ADGRG4: variants seen among roughly 807,000 people sequenced by gnomAD.
ADGRG4 encodes the protein adhesion G protein-coupled receptor G4, also known as G protein-coupled receptor 112.
Under a neutral mutation model 126.2 loss-of-function variants are expected in ADGRG4, and 122 were observed. That is an observed-to-expected ratio of 0.97 (90% confidence interval 0.83 to 1.12). The LOEUF is 1.12. Ranked by LOEUF, ADGRG4 falls within the 50% of genes most tolerant of loss-of-function variation. The pLI is 0.00. For synonymous variants in ADGRG4, 943 were observed against 838.7 expected (o/e 1.12, Z -2.15); for missense variants, 2,481 against 2,251.8 (o/e 1.10, Z -2.06).
At chrX:136,318,416 G>A (rs186613550) in intron 4 of ADGRG4, among the ~76,000 whole-genome samples, 1 of 112,010 alleles carries the variant, frequency 8.9e-6, no homozygotes, top group Admixed American at 9.5e-5. Flanking sequence ...TGGGTACAGG[G>A]TTTCCTTTTT....
intron 10 of ADGRG4, among the ~76,000 whole-genome samples, chrX:136,357,995 G>A (rs1175474541): frequency 8.9e-6 from 1 of 111,921 alleles, no homozygotes; most frequent in Admixed American, 9.5e-5. Context: ...AGAAAAAGGG[G>A]TGGTCATAAT....
chrX:136,414,048 T>C, intron 24 of ADGRG4, 112 bp from the exon 25 acceptor site: 1 of 685,673 alleles, frequency 1.5e-6, no homozygotes, highest in Admixed American at 3.6e-5. Context: ...GCCTAAACTT[T>C]GTATTTTTAA....
chrX:136,399,995 C>T lies in ADGRG4; in HGVS notation c.8454C>T (p.Tyr2818=). 1 of 1,211,244 alleles carries T rather than the reference C, an allele frequency of 8.3e-7. No homozygotes were observed. Among genetic ancestry groups the T allele is most frequent in the South Asian group, 1.8e-5 (1 of 57,001 alleles). Reference sequence around the variant, plus strand: ...TCACAGCTGCAGTGGCACTTCATTACTTCCTGCTTGTTTCTTTTACTTGGA... The same window carrying T: ...TCACAGCTGCAGTGGCACTTCATTATTTCCTGCTTGTTTCTTTTACTTGGA... The part of the protein sequence containing the change: ...VCITAAVALH[Y]FLLVSFTWMG... Residue 2818 remains tyrosine, a synonymous_variant, in exon 21 of 26, where the codon TAC becomes TAT. Coordinates refer to ENST00000394143, the MANE Select transcript of ADGRG4 (RefSeq NM_153834.4).
At chrX:136,402,966 T>A (rs1399419478) in intron 21 of ADGRG4, among the ~76,000 whole-genome samples, 1 of 112,310 alleles carries the variant, frequency 8.9e-6, no homozygotes, top group Non-Finnish European at 1.9e-5. Flanking sequence ...TAGATACTTC[T>A]TTTGCCAAGT....
At chrX:136,410,459 G>A (rs750502019) in intron 23 of ADGRG4, among the ~76,000 whole-genome samples, 1 of 111,790 alleles carries the variant, frequency 8.9e-6, no homozygotes, top group South Asian at 3.7e-4. Flanking sequence ...TGCTGTAGCT[G>A]AAATTTGCTT....
At chrX:136,398,642 C>T (rs138224227) in intron 20 of ADGRG4, among the ~76,000 whole-genome samples, 2,544 of 112,058 alleles carry the variant, frequency 0.023, 68 homozygotes, top group African/African-American at 0.078. Context: ...TGTCAACAAG[C>T]ATGTGGAACA....
At chrX:136,377,927 A>C (rs2075237848) in intron 15 of ADGRG4, among the ~76,000 whole-genome samples, 1 of 110,224 alleles carries the variant, frequency 9.1e-6, no homozygotes, top group South Asian at 3.9e-4. Context: ...GAATACTTCA[A>C]CATTGTTGCT....
At chrX:136,331,336 A>G (rs2074908598) in intron 5 of ADGRG4, among the ~76,000 whole-genome samples, 1 of 112,458 alleles carries the variant, frequency 8.9e-6, no homozygotes, top group East Asian at 2.8e-4. Context: ...TGAAATACTT[A>G]TTCCCTCTCT....
At chrX:136,301,544 T>G (rs762935919) in intron 1 of ADGRG4, among the ~76,000 whole-genome samples, 99 of 112,225 alleles carry the variant, frequency 8.8e-4, no homozygotes, top group African/African-American at 2.9e-3. Context: ...AGTTGCCTGT[T>G]TACTCTGATG....
intron 23 of ADGRG4, among the ~76,000 whole-genome samples, chrX:136,410,618 A>G (rs183469160): frequency 8.9e-6 from 1 of 112,138 alleles, no homozygotes; most frequent in African/African-American, 3.2e-5. Flanking sequence ...TTGGATCAAA[A>G]TAAATATTTT....
rs73637922 is a variant in ADGRG4 at position 136,401,633 on chromosome X, G to C, written c.8575+1517G>C. Among the ~76,000 whole-genome samples, 776 of 111,618 alleles carry C rather than the reference G, an allele frequency of 7.0e-3. 9 individuals carry two copies. Among genetic ancestry groups the C allele is most frequent in the African/African-American group, 0.024 (743 of 30,725 alleles). On this transcript the variant is annotated intron_variant, in intron 21 of 25. Coordinates refer to ENST00000394143, the MANE Select transcript of ADGRG4 (RefSeq NM_153834.4). ...TTATTACTTACATAAACTGTGAAAGGAAGAGTACCTAAAAGTGCCATCTTT... is the reference window on the plus strand; with the variant it reads ...TTATTACTTACATAAACTGTGAAAGCAAGAGTACCTAAAAGTGCCATCTTT...
In ADGRG4 at chrX:136,351,504, C is replaced by T. The variant is rs774692388; in HGVS notation, c.6785C>T (p.Pro2262Leu). 7 of 1,150,584 alleles carry T rather than the reference C, an allele frequency of 6.1e-6. No individual in the cohort carries two copies. The South Asian group carries it at 1.0e-4, about 17-fold the overall frequency. 94.8% of individuals were successfully genotyped at this position (1,150,584 alleles called of 1,213,427 possible). A position where few individuals can be genotyped will look rare whatever the true frequency, so the allele number is the denominator to read the frequency against. The change falls in exon 7 of 26, where the codon CCT becomes CTT. Residue 2262 changes from proline to leucine, a missense_variant. Pro to Leu is a moderately conservative substitution (Grantham distance 98). Coordinates refer to ENST00000394143, the MANE Select transcript of ADGRG4 (RefSeq NM_153834.4). The stretch of plus-strand genomic sequence containing the variant: ...GTCTTTGTTGAAGAGCCAAGGATCC[C>T]TATTACCAGTGTTATAAATGAATTT... ...FSVFVEEPRI[P>L]ITSVINEFTE...
chrX:136,370,544 T>C (rs1292790599), intron 13 of ADGRG4, among the ~76,000 whole-genome samples: 1 of 112,276 alleles, frequency 8.9e-6, no homozygotes, highest in Non-Finnish European at 1.9e-5. Context: ...TTTAATTTGT[T>C]ATTGTGGTCG....
chrX:136,413,176 G>A (rs1419991779), intron 24 of ADGRG4, among the ~76,000 whole-genome samples: 1 of 107,899 alleles, frequency 9.3e-6, no homozygotes, highest in African/African-American at 3.4e-5. Context: ...CCATGCTGGT[G>A]TGCTGCACCC....
Position 136,348,804 on chromosome X carries a change from C to T in ADGRG4, c.5098C>T (p.Leu1700=), listed in dbSNP as rs753005064. Residue 1700 remains leucine, a synonymous_variant, in exon 6 of 26, where the codon CTA becomes TTA. Coordinates refer to ENST00000394143, the MANE Select transcript of ADGRG4 (RefSeq NM_153834.4). ...TCCAAAGACCACATTTTCACCATTT[C>T]TATCAGCAACTCAACAGTCATCACA... ...SIPKTTFSPF[L]SATQQSSQAD... The T allele has an allele frequency of 1.7e-5, 20 of 1,206,185 alleles. No homozygotes were observed. Among genetic ancestry groups the T allele is most frequent in the Non-Finnish European group, 2.2e-5 (20 of 893,986 alleles).
In ADGRG4 at chrX:136,348,435, G is replaced by A. The variant is rs751056369; in HGVS notation, c.4729G>A (p.Val1577Ile). The A allele has an allele frequency of 5.8e-6, 7 of 1,207,259 alleles. No individual in the cohort carries two copies. Among genetic ancestry groups the A allele is most frequent in the Non-Finnish European group, 1.1e-6 (1 of 891,601 alleles). ...VNNSAFTPAT[V>I]SSDTSTRVGL... ...TAACTCTGCTTTCACACCTGCAACA[G>A]TCTCTTCTGACACTTCCACAAGAGT... The change falls in exon 6 of 26, where the codon GTC becomes ATC. Residue 1577 changes from valine (V) to isoleucine (I), a missense_variant. Coordinates refer to ENST00000394143, the MANE Select transcript of ADGRG4 (RefSeq NM_153834.4).
intron 13 of ADGRG4, among the ~76,000 whole-genome samples, chrX:136,364,682 G>A (rs2075148535): frequency 9.0e-6 from 1 of 111,663 alleles, no homozygotes; most frequent in South Asian, 3.7e-4. Flanking sequence ...AGATGTTTTA[G>A]AGTTGGTATT....
At chrX:136,385,158 C>T (rs1192010293) in intron 15 of ADGRG4, among the ~76,000 whole-genome samples, 1 of 111,256 alleles carries the variant, frequency 9.0e-6, no homozygotes, top group Non-Finnish European at 1.9e-5. Context: ...TATTGATCTA[C>T]CTTTAAATTT....
intron 13 of ADGRG4, among the ~76,000 whole-genome samples, chrX:136,364,617 T>C (rs959400941): frequency 8.9e-6 from 1 of 111,871 alleles, no homozygotes; most frequent in Non-Finnish European, 1.9e-5. Flanking sequence ...TTTTTCATTG[T>C]AGGGAAAATA....
Sources: gnomAD v4.1 joint callset for allele counts (sites outside exome capture counted in the v4.1 genomes callset) on GRCh38, gnomAD v4.1.1 for gene constraint, MANE v1.5 for transcripts, NCBI Gene and HGNC (gene_info 2026-07-23, HGNC 2026-07-21) for gene names.